The following CCDC178 variants were observed in gnomAD, a reference collection of about 807,000 sequenced individuals.
The protein encoded by CCDC178 is coiled-coil domain containing 178.
Under a neutral mutation model 117.4 loss-of-function variants are expected in CCDC178, and 126 were observed. The observed-to-expected ratio is 1.07, with a 90% CI of 0.93 to 1.24. The LOEUF (loss-of-function observed/expected upper bound fraction) is 1.24. Ranked by LOEUF, CCDC178 falls within the 50% of genes most tolerant of loss-of-function variation. The pLI is 0.00. For missense variants in CCDC178, 1,030 were observed against 986.9 expected (o/e 1.04, Z -0.59); for synonymous variants, 283 against 313.4 (o/e 0.90, Z 1.02).
chr18:33,117,988 A>C (rs924830257), intron 20 of CCDC178, among the ~76,000 whole-genome samples: 6 of 152,078 alleles, frequency 3.9e-5, no homozygotes, highest in African/African-American at 1.4e-4. Flanking sequence ...GGTAGTCAGG[A>C]TCAATCACTG....
chr18:33,145,150 G>T (rs183642444), intron 20 of CCDC178, among the ~76,000 whole-genome samples: 1 of 152,006 alleles, frequency 6.6e-6, no homozygotes, highest in African/African-American at 2.4e-5. Context: ...CTTTTTAAAA[G>T]GTTTGGACTA....
chr18:33,372,570 T>G (rs2063313505), intron 5 of CCDC178, among the ~76,000 whole-genome samples: 1 of 152,070 alleles, frequency 6.6e-6, no homozygotes, highest in African/African-American at 2.4e-5. Flanking sequence ...TCGGCGAGAC[T>G]TTCATCCTCT....
chr18:33,150,572 A>G (rs1183571673), intron 20 of CCDC178, among the ~76,000 whole-genome samples: 1 of 152,216 alleles, frequency 6.6e-6, no homozygotes, highest in African/African-American at 2.4e-5. Context: ...GGACATGAAT[A>G]GCCAATTATC....
intron 20 of CCDC178, among the ~76,000 whole-genome samples, chr18:33,119,954 T>A (rs271567): frequency 0.16 from 24,186 of 151,920 alleles, 2,667 homozygotes; most frequent in African/African-American, 0.32. Flanking sequence ...CAAACACCGC[T>A]TGTTCTCACT....
chr18:33,166,261 C>T (rs1182300816), intron 20 of CCDC178, among the ~76,000 whole-genome samples: 1 of 152,110 alleles, frequency 6.6e-6, no homozygotes, highest in African/African-American at 2.4e-5. Flanking sequence ...CACTTGGTAA[C>T]AAGTTAAAAA....
intron 13 of CCDC178, 59 bp downstream of exon 13, chr18:33,267,143 T>A: frequency 7.2e-6 from 11 of 1,528,570 alleles, no homozygotes; most frequent in Non-Finnish European, 9.7e-6. Context: ...GATATATGAG[T>A]TAATATTTGG....
chr18:33,101,955 C>A (rs2057634410), intron 20 of CCDC178, among the ~76,000 whole-genome samples: 1 of 151,826 alleles, frequency 6.6e-6, no homozygotes, highest in African/African-American at 2.4e-5. Flanking sequence ...ATTGTCGTAT[C>A]TATGTTACAT....
intron 22 of CCDC178, among the ~76,000 whole-genome samples, chr18:32,939,365 A>G (rs1050973856): frequency 6.6e-6 from 1 of 152,008 alleles, no homozygotes; most frequent in African/African-American, 2.4e-5. Context: ...TGAAACATTG[A>G]AAAATCCATC....
intron 22 of CCDC178, among the ~76,000 whole-genome samples, chr18:32,963,268 C>A (rs1598736571): frequency 6.6e-6 from 1 of 152,014 alleles, no homozygotes; most frequent in African/African-American, 2.4e-5. Context: ...GTCCCTCATA[C>A]TTCTCTGCTT....
intron 12 of CCDC178, among the ~76,000 whole-genome samples, chr18:33,292,827 A>G (rs2060184869): frequency 6.6e-6 from 1 of 152,086 alleles, no homozygotes; most frequent in African/African-American, 2.4e-5. Flanking sequence ...ATACCTGTAT[A>G]CTAAAAATAG....
Position 33,348,977 on chromosome 18 carries a change from TATATA to T in CCDC178, c.372-7_372-3del, listed in dbSNP as rs2062933588. ...TCTTTTGTGGAAGAAGTTCTGCTCC[TATATA>T]ATGGGAAAGAAGCAAGCAGTAAAGA... On this transcript the variant is annotated splice_polypyrimidine_tract_variant and splice_region_variant and intron_variant, in intron 7 of 22. Transcript: ENST00000383096. 1.9e-6 allele frequency: 3 copies of T among 1,593,050 alleles called. No homozygotes were observed. The highest frequency in any genetic ancestry group is 2.6e-6 in the Non-Finnish European group (3 of 1,167,924).
At position 33,389,559 on chromosome 18, in the gene CCDC178, A is replaced by T. The variant is rs1298701144; in HGVS notation, c.189T>A (p.Ser63Arg). ...CCTCACCTTCAGTATTTGTCATTTTACTTTCATGAAAACCTTCACTGTTCT... is the reference window on the plus strand; with the variant it reads ...CCTCACCTTCAGTATTTGTCATTTTTCTTTCATGAAAACCTTCACTGTTCT... ...SKENSEGFHE[S>R]KMTNTEGVNK... Residue 63 changes from serine to arginine, a missense_variant, in exon 5 of 23, where the codon AGT (serine) becomes AGA (arginine). By Grantham distance (110) the Ser-to-Arg change is moderately radical. Transcript: ENST00000383096. 1 of 1,517,082 alleles carries T rather than the reference A, an allele frequency of 6.6e-7. No individual in the cohort carries two copies. The highest frequency in any genetic ancestry group is 8.8e-7 in the Non-Finnish European group (1 of 1,131,286). 94.0% of individuals were successfully genotyped at this position (1,517,082 alleles called of 1,614,324 possible). A position where few individuals can be genotyped will look rare whatever the true frequency, so the allele number is the denominator to read the frequency against.
At chr18:33,265,915 A>G (rs546202989) in intron 14 of CCDC178, among the ~76,000 whole-genome samples, 1 of 152,190 alleles carries the variant, frequency 6.6e-6, no homozygotes, top group South Asian at 2.1e-4. Flanking sequence ...GAATAAACTG[A>G]AAATACATTT....
chr18:33,431,332 G>T (rs12454399), intron 2 of CCDC178, among the ~76,000 whole-genome samples: 1 of 150,656 alleles, frequency 6.6e-6, no homozygotes, highest in Non-Finnish European at 1.5e-5. Context: ...AACTTCCTTA[G>T]AATATCTGAA....
At chr18:33,371,587 G>C (rs2063300873) in intron 5 of CCDC178, among the ~76,000 whole-genome samples, 1 of 151,864 alleles carries the variant, frequency 6.6e-6, no homozygotes, top group Non-Finnish European at 1.5e-5. Context: ...AAAATAAAGA[G>C]AAACAGTACT....
intron 21 of CCDC178, among the ~76,000 whole-genome samples, chr18:33,083,210 C>CTAGGAAG (rs2057324493): frequency 6.6e-6 from 1 of 152,140 alleles, no homozygotes; most frequent in Non-Finnish European, 1.5e-5. Context: ...AAATGACTTG[C>CTAGGAAG]TCAAAATCAT....
chr18:33,194,204 C>T (rs1170475280), intron 20 of CCDC178, among the ~76,000 whole-genome samples: 1 of 151,910 alleles, frequency 6.6e-6, no homozygotes, highest in African/African-American at 2.4e-5. Context: ...TACTAGCTTA[C>T]TATCTTCCAG....
intron 14 of CCDC178, among the ~76,000 whole-genome samples, chr18:33,246,926 AC>A: frequency 6.6e-6 from 1 of 152,052 alleles, no homozygotes; most frequent in South Asian, 2.1e-4. Flanking sequence ...AGAAAAGATG[AC>A]CATAAATGGA....
chr18:33,021,402 T>C (rs537072615), intron 21 of CCDC178, among the ~76,000 whole-genome samples: 1 of 152,272 alleles, frequency 6.6e-6, no homozygotes, highest in South Asian at 2.1e-4. Flanking sequence ...ACTGCATCTA[T>C]GTTAAAAATA....
Sources: gnomAD v4.1 joint callset for allele counts (sites outside exome capture counted in the v4.1 genomes callset) on GRCh38, gnomAD v4.1.1 for gene constraint, MANE v1.5 for transcripts, NCBI Gene and HGNC (gene_info 2026-07-23, HGNC 2026-07-21) for gene names.